PSPC1: variants seen among roughly 807,000 people sequenced by gnomAD.
PSPC1 encodes paraspeckle protein 1.
In PSPC1, 14 loss-of-function variants were observed where a neutral mutation model predicts 51.6. That is an observed-to-expected ratio of 0.27 (90% CI 0.18 to 0.42). The LOEUF (loss-of-function observed/expected upper bound fraction) is 0.42. Ranked by LOEUF, PSPC1 falls within the 10% of genes least tolerant of loss-of-function variation. The probability of loss-of-function intolerance (pLI) is 1.00; values close to 1 mark genes in which losing one functional copy is unlikely to be tolerated. For synonymous variants in PSPC1, 193 were observed against 231.9 expected, an observed-to-expected ratio of 0.83 and a Z score of 1.53; for missense variants, 406 against 701.1, an observed-to-expected ratio of 0.58 and a Z score of 4.75.
downstream of PSPC1, among the ~76,000 whole-genome samples, chr13:19,699,168 C>T (rs375130466): frequency 4.6e-3 from 693 of 152,008 alleles, 5 homozygotes; most frequent in South Asian, 0.027. Context: ...ATTCTCACAA[C>T]ACATAGAAGA....
At chr13:19,689,273 A>G (rs892126622) in intron 6 of PSPC1, among the ~76,000 whole-genome samples, 3 of 152,236 alleles carry the variant, frequency 2.0e-5, no homozygotes, top group Admixed American at 6.5e-5. Flanking sequence ...GACAAAAGCA[A>G]AATAAAAACA....
chr13:19,685,200 G>A (rs1209964632), intron 6 of PSPC1, among the ~76,000 whole-genome samples: 1 of 152,218 alleles, frequency 6.6e-6, no homozygotes, highest in Non-Finnish European at 1.5e-5. Context: ...GCATGGCACT[G>A]CGCCACATCA....
chr13:19,743,435 T>C (rs963320395), intron 4 of PSPC1, among the ~76,000 whole-genome samples: 6 of 151,868 alleles, frequency 4.0e-5, no homozygotes, highest in Non-Finnish European at 7.4e-5. Flanking sequence ...AAGGTAAATA[T>C]TGTTCTCCCC....
downstream of PSPC1, among the ~76,000 whole-genome samples, chr13:19,699,593 G>C (rs1465450538): frequency 6.6e-6 from 1 of 151,874 alleles, no homozygotes; most frequent in Non-Finnish European, 1.5e-5. Flanking sequence ...TGGACTCTTC[G>C]ATTTCAAGAA....
intron 7 of PSPC1, among the ~76,000 whole-genome samples, chr13:19,677,269 A>T (rs1248468045): frequency 6.6e-6 from 1 of 151,978 alleles, no homozygotes; most frequent in Non-Finnish European, 1.5e-5. Context: ...ATATTTTCCA[A>T]AGGAACACAA....
chr13:19,730,898 G>C (rs1883966248), intron 5 of PSPC1, among the ~76,000 whole-genome samples: 1 of 144,484 alleles, frequency 6.9e-6, no homozygotes, highest in African/African-American at 2.6e-5. Flanking sequence ...AGTGAGCGGA[G>C]ATCGCGCCCC....
chr13:19,746,799 C>G (rs1448060150), intron 4 of PSPC1, among the ~76,000 whole-genome samples: 1 of 151,578 alleles, frequency 6.6e-6, no homozygotes, highest in Non-Finnish European at 1.5e-5. Context: ...TGTAAGGTAC[C>G]CATGTGTTCA....
chr13:19,757,907 G>C (rs937423682), intron 3 of PSPC1, among the ~76,000 whole-genome samples: 1 of 152,154 alleles, frequency 6.6e-6, no homozygotes, highest in Non-Finnish European at 1.5e-5. Context: ...TCTAGGGAAT[G>C]GGACTGTGAG....
At chr13:19,778,136 A>G (rs1426815002) in intron 1 of PSPC1, among the ~76,000 whole-genome samples, 15 of 138,222 alleles carry the variant, frequency 1.1e-4, no homozygotes, top group Middle Eastern at 4.8e-3. Flanking sequence ...CAGCTACTCC[A>G]GAGGCTGAGG....
chr13:19,744,585 G>A (rs1332866730), intron 4 of PSPC1, among the ~76,000 whole-genome samples: 9 of 149,420 alleles, frequency 6.0e-5, no homozygotes, highest in Non-Finnish European at 1.0e-4. Context: ...TTTTTTTTGA[G>A]ACAGAGTCTC....
intron 2 of PSPC1, among the ~76,000 whole-genome samples, chr13:19,762,449 A>G (rs1354236700): frequency 1.3e-5 from 2 of 152,126 alleles, no homozygotes; most frequent in South Asian, 2.1e-4. Context: ...AGTCCCAGCT[A>G]CTCGGGAGGC....
At chr13:19,674,912 T>C (rs1331115649) in exon 8 of PSPC1, 1 of 152,228 alleles carries the variant, frequency 6.6e-6, no homozygotes, top group African/African-American at 2.4e-5. Flanking sequence ...CTAATGGTCC[T>C]TACACAGCAA....
At chr13:19,701,076 A>G (rs1432621742), downstream of PSPC1, among the ~76,000 whole-genome samples, 1 of 152,254 alleles carries the variant, frequency 6.6e-6, no homozygotes, top group Non-Finnish European at 1.5e-5. Flanking sequence ...ATGCTGGGAA[A>G]AAGTTGTGTA....
chr13:19,698,787 A>G (rs1203919877), downstream of PSPC1, among the ~76,000 whole-genome samples: 1 of 152,000 alleles, frequency 6.6e-6, no homozygotes, highest in Non-Finnish European at 1.5e-5. Flanking sequence ...CTGAAGCCAT[A>G]AAATTTTCTT....
At chr13:19,735,597 A>G (rs1884682478) in intron 5 of PSPC1, among the ~76,000 whole-genome samples, 1 of 152,172 alleles carries the variant, frequency 6.6e-6, no homozygotes, top group South Asian at 2.1e-4. Flanking sequence ...GTACTGTCCT[A>G]GGCCAGTTTT....
At position 19,745,841 on chromosome 13, in the gene PSPC1, G is replaced by C. The variant is rs370039802; in HGVS notation, c.968-4192C>G. Reference sequence around the variant, plus strand: ...TCACCATGTTAGCCAGGATGGTCTCGATCTCCTGTCGGCATTAATGTTCTT... The same window carrying C: ...TCACCATGTTAGCCAGGATGGTCTCCATCTCCTGTCGGCATTAATGTTCTT... On this transcript the variant is annotated intron_variant, in intron 4 of 8. Coordinates refer to ENST00000338910, the MANE Select transcript of PSPC1 (RefSeq NM_001354909.2). 7.4e-4 allele frequency among the ~76,000 whole-genome samples: 112 copies of C among 152,000 alleles called. 1 individual carries two copies. The highest frequency in any genetic ancestry group is 2.4e-3 in the African/African-American group (101 of 41,486).
intron 8 of PSPC1, among the ~76,000 whole-genome samples, chr13:19,704,896 C>T (rs1234064314): frequency 1.3e-5 from 2 of 152,060 alleles, no homozygotes; most frequent in Non-Finnish European, 2.9e-5. Flanking sequence ...TTTGGAAATA[C>T]ACAAAAACTT....
intron 6 of PSPC1, among the ~76,000 whole-genome samples, chr13:19,692,031 T>TA (rs1341157880): frequency 6.6e-6 from 1 of 152,180 alleles, no homozygotes; most frequent in Non-Finnish European, 1.5e-5. Context: ...CCAAATCAGA[T>TA]AAAGTCCTGT....
intron 7 of PSPC1, 150 bp from the exon 8 acceptor site, chr13:19,705,981 T>C (rs965126519): frequency 1.3e-5 from 7 of 551,612 alleles, no homozygotes; most frequent in African/African-American, 7.6e-5. Flanking sequence ...TACTCTGTAA[T>C]AGGGTATTAC....
Sources: allele counts gnomAD v4.1 joint callset (sites outside exome capture counted in the v4.1 genomes callset), GRCh38; gene constraint gnomAD v4.1.1; transcripts MANE v1.5; gene names NCBI Gene and HGNC (gene_info 2026-07-23, HGNC 2026-07-21).